Variants in EDIL3 observed in about 807,000 individuals in gnomAD.
The protein encoded by EDIL3 is EGF-like repeat and discoidin I-like domain-containing protein 3.
A neutral mutation model predicts 67.4 loss-of-function variants in EDIL3; 37 were observed. The ratio of observed to expected loss-of-function variants is 0.55; its 90% CI spans 0.42 to 0.72. EDIL3 has a LOEUF of 0.72. Among genes scored for constraint, EDIL3 ranks in the 30% least tolerant of loss-of-function variants. The pLI is 0.00. For synonymous variants in EDIL3, 195 were observed against 196.3 expected, an observed-to-expected ratio of 0.99 and a Z score of 0.05; for missense variants, 527 against 586.3, an observed-to-expected ratio of 0.90 and a Z score of 1.04.
At chr5:83,972,040 T>C (rs766471124) in intron 9 of EDIL3, among the ~76,000 whole-genome samples, 6 of 152,170 alleles carry the variant, frequency 3.9e-5, no homozygotes, top group Non-Finnish European at 8.8e-5. Context: ...CAATCTTCTC[T>C]TGTCAAAATG....
chr5:84,303,518 A>C (rs1255008938), intron 1 of EDIL3, among the ~76,000 whole-genome samples: 1 of 152,214 alleles, frequency 6.6e-6, no homozygotes, highest in Non-Finnish European at 1.5e-5. Context: ...TTCATGGATT[A>C]GTCATTTACA....
At chr5:84,186,207 A>G (rs1353110342) in intron 3 of EDIL3, among the ~76,000 whole-genome samples, 5 of 152,056 alleles carry the variant, frequency 3.3e-5, no homozygotes, top group African/African-American at 4.8e-5. Flanking sequence ...AAATATTACT[A>G]AAGTAATATG....
At chr5:84,188,521 A>C (rs1444893045) in intron 3 of EDIL3, among the ~76,000 whole-genome samples, 1 of 151,932 alleles carries the variant, frequency 6.6e-6, no homozygotes, top group East Asian at 1.9e-4. Flanking sequence ...GATCCTTAAC[A>C]ATCTTTATGC....
intron 9 of EDIL3, among the ~76,000 whole-genome samples, chr5:83,984,342 A>G (rs1644180707): frequency 6.6e-6 from 1 of 152,134 alleles, no homozygotes; most frequent in South Asian, 2.1e-4. Context: ...CTAAGTACAC[A>G]GACTCTCTAT....
chr5:84,171,946 A>G (rs1343508489), intron 4 of EDIL3, among the ~76,000 whole-genome samples: 1 of 152,148 alleles, frequency 6.6e-6, no homozygotes, highest in Non-Finnish European at 1.5e-5. Flanking sequence ...CATTTGCATC[A>G]CTTTCATTGG....
chr5:84,013,361 G>A (rs1226309912), intron 9 of EDIL3, among the ~76,000 whole-genome samples: 1 of 152,080 alleles, frequency 6.6e-6, no homozygotes, highest in Non-Finnish European at 1.5e-5. Context: ...AATGTCATTT[G>A]TAGTTTAGAG....
chr5:84,235,830 G>T (rs1744671522), intron 2 of EDIL3, among the ~76,000 whole-genome samples: 1 of 151,470 alleles, frequency 6.6e-6, no homozygotes, highest in African/African-American at 2.4e-5. Flanking sequence ...ATATAAATCA[G>T]ATTTTCCTTC....
intron 6 of EDIL3, among the ~76,000 whole-genome samples, chr5:84,073,350 A>C (rs1335229867): frequency 6.6e-6 from 1 of 152,190 alleles, no homozygotes; most frequent in East Asian, 1.9e-4. Context: ...TGGCCAGGGC[A>C]ATTAGGAAGG....
At position 84,260,380 on chromosome 5, in the gene EDIL3, C is replaced by T. The variant is rs548793043; in HGVS notation, c.68-6168G>A. Among the ~76,000 whole-genome samples, 5 of 152,218 alleles carry T rather than the reference C, an allele frequency of 3.3e-5. No homozygotes were observed. The East Asian group carries it at 7.7e-4, about 24-fold the overall frequency. On this transcript the variant is annotated intron_variant, in intron 1 of 10. Transcript: ENST00000296591. ...ATGATAGGTAAGACAGAGATGATTT[C>T]AGGAACAGAAAGGAAGACAGGGGAA...
At chr5:84,027,950 T>C (rs1026903220) in intron 9 of EDIL3, among the ~76,000 whole-genome samples, 1 of 152,142 alleles carries the variant, frequency 6.6e-6, no homozygotes, top group African/African-American at 2.4e-5. Flanking sequence ...GTCTACTCTT[T>C]CCTGAACTGT....
At chr5:84,257,382 T>C (rs1023546314) in intron 1 of EDIL3, among the ~76,000 whole-genome samples, 3 of 152,246 alleles carry the variant, frequency 2.0e-5, no homozygotes, top group African/African-American at 7.2e-5. Flanking sequence ...CTTCTCCTTG[T>C]AATTTTTGTT....
At chr5:84,029,779 A>C (rs1001699042) in intron 9 of EDIL3, among the ~76,000 whole-genome samples, 1 of 152,192 alleles carries the variant, frequency 6.6e-6, no homozygotes, top group African/African-American at 2.4e-5. Flanking sequence ...AGGGCACTCT[A>C]CTCAAAATGA....
chr5:83,972,296 A>C (rs935603654), intron 9 of EDIL3, among the ~76,000 whole-genome samples: 1 of 152,130 alleles, frequency 6.6e-6, no homozygotes, highest in African/African-American at 2.4e-5. Flanking sequence ...TGGTTGTGGC[A>C]ACATGACCAC....
At chr5:84,341,110 T>C (rs1222497950) in intron 1 of EDIL3, among the ~76,000 whole-genome samples, 3 of 152,068 alleles carry the variant, frequency 2.0e-5, no homozygotes, top group African/African-American at 7.2e-5. Context: ...ATTTATTGCC[T>C]GAATAATGTT....
chr5:83,970,085 T>C (rs1744764577), intron 9 of EDIL3, among the ~76,000 whole-genome samples: 1 of 151,678 alleles, frequency 6.6e-6, no homozygotes, highest in Non-Finnish European at 1.5e-5. Flanking sequence ...TCTGTTCTAC[T>C]TTTTACTTCT....
chr5:84,048,199 T>A, intron 9 of EDIL3: 2 of 422,898 alleles, frequency 4.7e-6, no homozygotes, highest in South Asian at 3.4e-5. Flanking sequence ...GAAATCAGAA[T>A]AATCCTTCAT....
intron 1 of EDIL3, among the ~76,000 whole-genome samples, chr5:84,343,175 T>G (rs1461689505): frequency 6.6e-6 from 1 of 152,114 alleles, no homozygotes; most frequent in Non-Finnish European, 1.5e-5. Context: ...TTGGACCATC[T>G]AAGATTTGAA....
At chr5:84,214,040 C>T (rs1005059718) in intron 3 of EDIL3, among the ~76,000 whole-genome samples, 5 of 152,132 alleles carry the variant, frequency 3.3e-5, no homozygotes, top group Admixed American at 1.3e-4. Context: ...TTAACCTCTC[C>T]GAGTCTTTTA....
At chr5:84,268,030 G>A (rs181436777) in intron 1 of EDIL3, among the ~76,000 whole-genome samples, 9 of 152,082 alleles carry the variant, frequency 5.9e-5, no homozygotes, top group Admixed American at 1.3e-4. Flanking sequence ...CCAGCTACTC[G>A]GGAGGCTGAG....
Sources: gnomAD v4.1 joint callset for allele counts (sites outside exome capture counted in the v4.1 genomes callset) on GRCh38, gnomAD v4.1.1 for gene constraint, MANE v1.5 for transcripts, NCBI Gene and HGNC (gene_info 2026-07-23, HGNC 2026-07-21) for gene names.